TAB2: variants seen among roughly 807,000 people sequenced by gnomAD.
TAB2 encodes the protein TGF-beta-activated kinase 1 and MAP3K7-binding protein 2.
TAB2 carries 3 observed loss-of-function variants against 65.0 expected under a neutral mutation model. The observed-to-expected ratio is 0.05, with a 90% CI of 0.02 to 0.12. TAB2 has a LOEUF of 0.12. TAB2 is among the 10% of genes least tolerant of loss of function. The probability of loss-of-function intolerance (pLI) is 1.00; values close to 1 mark genes in which losing one functional copy is unlikely to be tolerated. For synonymous variants in TAB2, 298 were observed against 285.1 expected, an observed-to-expected ratio of 1.05 and a Z score of -0.46; for missense variants, 623 against 840.3, an observed-to-expected ratio of 0.74 and a Z score of 3.20.
intron 1 of TAB2, among the ~76,000 whole-genome samples, chr6:149,367,408 G>A (rs1206346113): frequency 6.6e-6 from 1 of 152,126 alleles, no homozygotes; most frequent in Non-Finnish European, 1.5e-5. Flanking sequence ...CCTAAGGGAA[G>A]AACAAGAGTG....
chr6:149,339,291 T>C (rs1780027844), intron 1 of TAB2, among the ~76,000 whole-genome samples: 1 of 151,848 alleles, frequency 6.6e-6, no homozygotes, highest in African/African-American at 2.4e-5. Flanking sequence ...TGAAGTGGGG[T>C]TGCAGAAGCG....
chr6:149,264,568 C>T (rs1778222509), intron 1 of TAB2, among the ~76,000 whole-genome samples: 1 of 151,956 alleles, frequency 6.6e-6, no homozygotes, highest in Non-Finnish European at 1.5e-5. Flanking sequence ...TTAGGGTGTC[C>T]ACCACCCGAG....
At chr6:149,227,676 AC>A in intron 1 of TAB2, among the ~76,000 whole-genome samples, 1 of 152,220 alleles carries the variant, frequency 6.6e-6, no homozygotes, top group Non-Finnish European at 1.5e-5. Context: ...TCTTTTCTGG[AC>A]CTTGGGCAAG....
At chr6:149,351,441 T>C (rs1022862671) in intron 1 of TAB2, among the ~76,000 whole-genome samples, 5 of 152,240 alleles carry the variant, frequency 3.3e-5, no homozygotes, top group Admixed American at 2.0e-4. Context: ...AGGACAGATA[T>C]AATGCAATTG....
At chr6:149,347,877 A>G (rs967101072) in intron 1 of TAB2, among the ~76,000 whole-genome samples, 2 of 152,138 alleles carry the variant, frequency 1.3e-5, no homozygotes, top group Non-Finnish European at 2.9e-5. Flanking sequence ...TAAATAGTGT[A>G]TGTACTTAGG....
intron 1 of TAB2, among the ~76,000 whole-genome samples, chr6:149,307,464 C>T (rs553727823): frequency 6.6e-6 from 1 of 152,272 alleles, no homozygotes; most frequent in African/African-American, 2.4e-5. Flanking sequence ...GCCAAGGAGC[C>T]GATTTCACAG....
At chr6:149,327,086 C>T (rs1265043629) in intron 1 of TAB2, among the ~76,000 whole-genome samples, 1 of 152,100 alleles carries the variant, frequency 6.6e-6, no homozygotes, top group African/African-American at 2.4e-5. Flanking sequence ...TATTAATATT[C>T]AGATCTGTGG....
At chr6:149,334,930 C>A (rs1443661829) in intron 1 of TAB2, among the ~76,000 whole-genome samples, 1 of 152,114 alleles carries the variant, frequency 6.6e-6, no homozygotes, top group African/African-American at 2.4e-5. Flanking sequence ...GAGTAGGAGG[C>A]AGTGAGTTGA....
At chr6:149,402,215 GAC>G (rs1397035273) in intron 6 of TAB2, among the ~76,000 whole-genome samples, 2 of 151,352 alleles carry the variant, frequency 1.3e-5, no homozygotes, top group Admixed American at 1.3e-4. Context: ...AAAAAAAGGA[GAC>G]AAAATCAGAA....
chr6:149,333,708 AGTGTGTGTGTGTGTGT>A (rs61004397), intron 1 of TAB2, among the ~76,000 whole-genome samples: 35 of 144,896 alleles, frequency 2.4e-4, no homozygotes, highest in African/African-American at 8.0e-4. Flanking sequence ...CCAGATCCAT[AGTGTGTGTGTGTGTGT>A]GTGTGTGTGT....
intron 1 of TAB2, among the ~76,000 whole-genome samples, chr6:149,235,265 A>T (rs1777475147): frequency 6.6e-6 from 1 of 152,230 alleles, no homozygotes; most frequent in South Asian, 2.1e-4. Context: ...TGTAAGAGGG[A>T]CCTTGAGAAA....
chr6:149,325,420 GA>G (rs1262912685), intron 1 of TAB2, among the ~76,000 whole-genome samples: 1 of 152,022 alleles, frequency 6.6e-6, no homozygotes, highest in African/African-American at 2.4e-5. Context: ...CAAATAGAAT[GA>G]AAAAAGAATT....
At chr6:149,341,505 A>T (rs534021192) in intron 1 of TAB2, among the ~76,000 whole-genome samples, 3 of 152,304 alleles carry the variant, frequency 2.0e-5, no homozygotes, top group South Asian at 2.1e-4. Context: ...TAAGTGCTTT[A>T]CATACACTTT....
At chr6:149,403,271 TATATATATATATACACAC>T (rs1316106995) in intron 6 of TAB2, among the ~76,000 whole-genome samples, 19,982 of 94,858 alleles carry the variant, frequency 0.21, 2,867 homozygotes, top group East Asian at 0.51. Flanking sequence ...TATATATATA[TATATATATATATACACAC>T]ACACACATAT....
At chr6:149,364,776 T>C (rs936446215) in intron 1 of TAB2, among the ~76,000 whole-genome samples, 10 of 150,850 alleles carry the variant, frequency 6.6e-5, no homozygotes, top group Non-Finnish European at 1.2e-4. Context: ...TCTGTTTGTT[T>C]TTTTAATCTG....
At chr6:149,243,138 C>T (rs1777633645) in intron 1 of TAB2, among the ~76,000 whole-genome samples, 1 of 152,224 alleles carries the variant, frequency 6.6e-6, no homozygotes, top group South Asian at 2.1e-4. Context: ...TCTCCGAAAT[C>T]TGCTCGTATG....
chr6:149,396,952 A>C (rs1782192539), intron 3 of TAB2, among the ~76,000 whole-genome samples: 2 of 152,208 alleles, frequency 1.3e-5, no homozygotes, highest in Admixed American at 1.3e-4. Context: ...ACTCTGAAGT[A>C]AGAGAGCTTG....
chr6:149,397,805 G>A, intron 4 of TAB2, 41 bp downstream of exon 4: 1 of 1,607,534 alleles, frequency 6.2e-7, no homozygotes, highest in South Asian at 1.1e-5. Context: ...GCTTGAACAT[G>A]AGAGTAGGCC....
intron 1 of TAB2, among the ~76,000 whole-genome samples, chr6:149,239,149 A>C (rs1342085380): frequency 6.6e-6 from 1 of 152,244 alleles, no homozygotes; most frequent in African/African-American, 2.4e-5. Flanking sequence ...GGATCACTGC[A>C]GATACCACAC....
Sources: allele counts gnomAD v4.1 joint callset (sites outside exome capture counted in the v4.1 genomes callset), GRCh38; gene constraint gnomAD v4.1.1; transcripts MANE v1.5; gene names NCBI Gene and HGNC (gene_info 2026-07-23, HGNC 2026-07-21).